The following THRB variants were observed in gnomAD, a reference collection of about 807,000 sequenced individuals.
THRB encodes thyroid hormone receptor beta, also known as nuclear receptor subfamily 1 group A member 2.
In THRB, 12 loss-of-function variants were observed where a neutral mutation model predicts 47.8. The observed-to-expected ratio is 0.25, with a 90% CI of 0.16 to 0.41. THRB has a LOEUF of 0.41. Among genes scored for constraint, THRB ranks in the 10% least tolerant of loss-of-function variants. The pLI, the probability that THRB is intolerant of heterozygous loss-of-function variation, is 1.00. For missense variants in THRB, 348 were observed against 589.2 expected (o/e 0.59, Z 4.24); for synonymous variants, 218 against 212.2 (o/e 1.03, Z -0.24).
intron 1 of THRB, among the ~76,000 whole-genome samples, chr3:24,387,703 T>G (rs2066237983): frequency 6.6e-6 from 1 of 152,152 alleles, no homozygotes; most frequent in Admixed American, 6.6e-5. Context: ...TCTGTCTGCT[T>G]AGGTTGAAAC....
intron 3 of THRB, among the ~76,000 whole-genome samples, chr3:24,291,162 T>C (rs1051905078): frequency 6.6e-6 from 1 of 152,188 alleles, no homozygotes; most frequent in Admixed American, 6.5e-5. Flanking sequence ...CAATAGGAGA[T>C]TAGAAGCCAA....
chr3:24,175,045 G>A (rs1575597222), intron 5 of THRB, among the ~76,000 whole-genome samples: 1 of 152,188 alleles, frequency 6.6e-6, no homozygotes, highest in Non-Finnish European at 1.5e-5. Context: ...TTTGTCATCT[G>A]TCCTCTTTGA....
intron 3 of THRB, among the ~76,000 whole-genome samples, chr3:24,244,029 A>G (rs2049858158): frequency 6.6e-6 from 1 of 152,058 alleles, no homozygotes; most frequent in Non-Finnish European, 1.5e-5. Context: ...AAAAAAATGC[A>G]CACTATAGAG....
At chr3:24,369,452 C>A (rs969853192) in intron 1 of THRB, among the ~76,000 whole-genome samples, 1 of 152,010 alleles carries the variant, frequency 6.6e-6, no homozygotes, top group African/African-American at 2.4e-5. Context: ...GCACACATTG[C>A]CTTCACAACA....
At position 24,311,595 on chromosome 3, in the gene THRB, G is replaced by C. The variant is rs150384331; in HGVS notation, c.-188-14224C>G. ...CACCTGAGTCCGTATCTTAGCAAAT[G>C]GTCCCCTGGGAGGTGGAAACTTAGG... On this transcript the variant is annotated intron_variant, in intron 2 of 10. Transcript: ENST00000646209. Among the ~76,000 whole-genome samples, 28 of 152,178 alleles carry C rather than the reference G, an allele frequency of 1.8e-4. No individual in the cohort carries two copies. In the East Asian group the frequency reaches 4.8e-3, roughly 26 times the overall value.
intron 5 of THRB, among the ~76,000 whole-genome samples, chr3:24,158,440 A>G (rs13322598): frequency 0.22 from 5,351 of 24,132 alleles, 359 homozygotes; most frequent in African/African-American, 0.49. Flanking sequence ...TTTTGGGGGG[A>G]GGGTGGGGGA....
At chr3:24,495,571 C>CA (rs1230215726), upstream of THRB, 4 of 152,472 alleles carry the variant, frequency 2.6e-5, no homozygotes, top group African/African-American at 9.6e-5. Context: ...CGCGTCCACC[C>CA]ACCCGATTGC....
intron 4 of THRB, among the ~76,000 whole-genome samples, chr3:24,217,494 G>T (rs851719): frequency 6.6e-6 from 1 of 151,696 alleles, no homozygotes; most frequent in Non-Finnish European, 1.5e-5. Flanking sequence ...TGGCAGGTAA[G>T]ATGTTTGAAA....
At chr3:24,338,544 G>A (rs532813885) in intron 1 of THRB, among the ~76,000 whole-genome samples, 4 of 152,164 alleles carry the variant, frequency 2.6e-5, no homozygotes, top group Non-Finnish European at 4.4e-5. Context: ...ATACTCAGTT[G>A]TTGGCTTTTC....
intron 4 of THRB, among the ~76,000 whole-genome samples, chr3:24,199,517 G>A (rs2044350922): frequency 1.3e-5 from 2 of 152,132 alleles, no homozygotes. Context: ...GTGAGATTTG[G>A]GAGCTGTTAG....
At chr3:24,206,624 C>G (rs926411453) in intron 4 of THRB, among the ~76,000 whole-genome samples, 1 of 152,090 alleles carries the variant, frequency 6.6e-6, no homozygotes, top group African/African-American at 2.4e-5. Flanking sequence ...CATTGAAAAG[C>G]TAGCAGAAGG....
chr3:24,228,341 C>T (rs531461832), intron 4 of THRB, among the ~76,000 whole-genome samples: 2 of 152,248 alleles, frequency 1.3e-5, no homozygotes, highest in Non-Finnish European at 2.9e-5. Flanking sequence ...CTGACTTATA[C>T]CTTACATGAC....
rs76492414 is a variant in THRB at position 24,384,032 on chromosome 3, G to A, written c.-260-46661C>T. On this transcript the variant is annotated intron_variant, in intron 1 of 10. Coordinates refer to ENST00000646209, the MANE Select transcript of THRB (RefSeq NM_001354712.2). ...GGTCTCGATTTCTACTTAACTTACCGGCTAGTATCTTTTGGTTACCTTTTT... is the reference window on the plus strand; with the variant it reads ...GGTCTCGATTTCTACTTAACTTACCAGCTAGTATCTTTTGGTTACCTTTTT... 7.6e-3 allele frequency among the ~76,000 whole-genome samples: 1,162 copies of A among 152,166 alleles called. 7 individuals are homozygous for A. Among genetic ancestry groups the A allele is most frequent in the Non-Finnish European group, 0.012 (824 of 67,976 alleles).
intron 1 of THRB, among the ~76,000 whole-genome samples, chr3:24,466,345 G>T (rs745480513): frequency 5.9e-5 from 9 of 151,822 alleles, no homozygotes; most frequent in Non-Finnish European, 5.9e-5. Flanking sequence ...GATTGATATG[G>T]TTGGGCAGAA....
intron 8 of THRB, among the ~76,000 whole-genome samples, chr3:24,142,273 G>A (rs2035553949): frequency 6.6e-6 from 1 of 152,284 alleles, no homozygotes; most frequent in Admixed American, 6.5e-5. Flanking sequence ...TGAATGAAAA[G>A]CACTTAGAAT....
At chr3:24,307,796 G>C (rs2057462368) in intron 2 of THRB, among the ~76,000 whole-genome samples, 1 of 152,138 alleles carries the variant, frequency 6.6e-6, no homozygotes, top group Admixed American at 6.5e-5. Flanking sequence ...CTGTGACTTT[G>C]CTCTGTCCAT....
intron 1 of THRB, among the ~76,000 whole-genome samples, chr3:24,489,578 C>T (rs116571143): frequency 1.8e-3 from 275 of 152,290 alleles, no homozygotes; most frequent in African/African-American, 6.2e-3. Context: ...TTCCAGACTC[C>T]CCTGATTTGC....
At chr3:24,477,797 T>C (rs1022791759) in intron 1 of THRB, among the ~76,000 whole-genome samples, 2 of 151,700 alleles carry the variant, frequency 1.3e-5, no homozygotes, top group Non-Finnish European at 2.9e-5. Flanking sequence ...CTGTGATCTT[T>C]ATCCAATTTC....
intron 1 of THRB, among the ~76,000 whole-genome samples, chr3:24,409,892 A>G (rs2068135389): frequency 6.6e-6 from 1 of 151,886 alleles, no homozygotes; most frequent in Non-Finnish European, 1.5e-5. Context: ...CCTGCATTCA[A>G]GGCTCAATCT....
Sources: gnomAD v4.1 joint callset for allele counts (sites outside exome capture counted in the v4.1 genomes callset) on GRCh38, gnomAD v4.1.1 for gene constraint, MANE v1.5 for transcripts, NCBI Gene and HGNC (gene_info 2026-07-23, HGNC 2026-07-21) for gene names.